The following KCNA6 variants were observed in gnomAD, a reference collection of about 807,000 sequenced individuals.
KCNA6 encodes the protein human brain potassium channel-2.
A neutral mutation model predicts 29.5 loss-of-function variants in KCNA6; 17 were observed. The observed-to-expected ratio is 0.58, with a 90% CI of 0.39 to 0.86. The LOEUF (loss-of-function observed/expected upper bound fraction) is 0.86. KCNA6 is among the 40% of genes least tolerant of loss of function. KCNA6 has a pLI of 0.00. For missense variants in KCNA6, 450 were observed against 703.4 expected (o/e 0.64, Z 4.07); for synonymous variants, 296 against 304.7 (o/e 0.97, Z 0.30).
downstream of KCNA6, among the ~76,000 whole-genome samples, chr12:4,816,054 G>A (rs1267025060): frequency 6.6e-6 from 1 of 152,182 alleles, no homozygotes; most frequent in African/African-American, 2.4e-5. Context: ...AGAAAGCAAC[G>A]AGTCTAATAA....
chr12:4,816,791 AAAG>A (rs1946686822), downstream of KCNA6, among the ~76,000 whole-genome samples: 2 of 152,150 alleles, frequency 1.3e-5, no homozygotes, highest in Non-Finnish European at 2.9e-5. Flanking sequence ...CCGGTAAACA[AAAG>A]AAGTGGACGG....
the KCNA6 span, among the ~76,000 whole-genome samples, chr12:4,824,246 A>G: frequency 1.3e-5 from 2 of 152,240 alleles, no homozygotes; most frequent in South Asian, 4.1e-4. Context: ...TTGACAGAGT[A>G]GTGAGGCATA....
At chr12:4,837,864 C>T in the KCNA6 span, among the ~76,000 whole-genome samples, 1 of 151,824 alleles carries the variant, frequency 6.6e-6, no homozygotes, top group African/African-American at 2.4e-5. Flanking sequence ...GCTACAGTCA[C>T]TTACTGAGCA....
At chr12:4,829,599 G>A in the KCNA6 span, among the ~76,000 whole-genome samples, 1 of 152,062 alleles carries the variant, frequency 6.6e-6, no homozygotes, top group East Asian at 1.9e-4. Flanking sequence ...TAGGATATCA[G>A]CATCACCAGA....
the KCNA6 span, among the ~76,000 whole-genome samples, chr12:4,834,417 TG>T: frequency 2.0e-5 from 3 of 152,186 alleles, no homozygotes; most frequent in Non-Finnish European, 4.4e-5. Flanking sequence ...AAGCCTATAA[TG>T]TGTGAGGCAC....
At chr12:4,846,638 G>T in the KCNA6 span, among the ~76,000 whole-genome samples, 3 of 152,020 alleles carry the variant, frequency 2.0e-5, no homozygotes, top group African/African-American at 7.2e-5. Context: ...CACCAGAAAT[G>T]TCAATCTCCT....
At chr12:4,842,312 A>G in the KCNA6 span, among the ~76,000 whole-genome samples, 1 of 152,104 alleles carries the variant, frequency 6.6e-6, no homozygotes, top group Non-Finnish European at 1.5e-5. Flanking sequence ...GATGACAGAA[A>G]CATGGTAAGT....
chr12:4,841,862 C>G, the KCNA6 span, among the ~76,000 whole-genome samples: 1 of 152,094 alleles, frequency 6.6e-6, no homozygotes. Flanking sequence ...GTTATTTAAA[C>G]CAAAGCAATA....
the KCNA6 span, among the ~76,000 whole-genome samples, chr12:4,828,096 T>G: frequency 6.6e-6 from 1 of 152,090 alleles, no homozygotes; most frequent in Non-Finnish European, 1.5e-5. Context: ...TCCCCCAGAC[T>G]AACTTTGTCT....
the KCNA6 span, chr12:4,838,993 A>T: frequency 6.6e-6 from 1 of 152,234 alleles, no homozygotes; most frequent in Non-Finnish European, 1.5e-5. Flanking sequence ...ATTGGTCCAT[A>T]ATACATATCC....
rs1946631538 is a variant in KCNA6 at position 4,811,559 on chromosome 12, G to C, written c.1518G>C (p.Arg506=). Residue 506 remains arginine, a synonymous_variant, in exon 1 of 1, where the codon CGG becomes CGC. Transcript: ENST00000280684. This position sits in a 1 kb window ranked among gnomAD's most constrained non-coding sequence, Gnocchi z 7.1. ...AGCCTGACTTCCCCGAGGCTAACCG[G>C]GAACGGAGACCCAGCTACCTTCCTA... 2.8e-5 allele frequency: 45 copies of C among 1,614,230 alleles called. No homozygotes were observed. Among genetic ancestry groups the C allele is most frequent in the Non-Finnish European group, 3.7e-5 (44 of 1,180,040 alleles).
At chr12:4,829,799 A>G in the KCNA6 span, among the ~76,000 whole-genome samples, 2 of 152,184 alleles carry the variant, frequency 1.3e-5, no homozygotes, top group Non-Finnish European at 2.9e-5. Context: ...TATACATTTA[A>G]TTGCACTTCA....
chr12:4,848,441 C>T, the KCNA6 span, among the ~76,000 whole-genome samples: 3 of 150,816 alleles, frequency 2.0e-5, no homozygotes, highest in African/African-American at 7.3e-5. Context: ...ATTTATTTGT[C>T]TATGTAATTT....
At chr12:4,828,945 T>C in the KCNA6 span, among the ~76,000 whole-genome samples, 2 of 152,222 alleles carry the variant, frequency 1.3e-5, no homozygotes, top group Non-Finnish European at 2.9e-5. Flanking sequence ...CACCGGCTCC[T>C]GTCATCCTCT....
Position 4,810,162 on chromosome 12 carries a change from G to T in KCNA6, c.121G>T (p.Glu41Ter). 1.2e-6 allele frequency: 2 copies of T among 1,610,110 alleles called. No individual in the cohort carries two copies. The highest frequency in any genetic ancestry group is 8.5e-7 in the Non-Finnish European group (1 of 1,178,652). ...CGGGGGCGGGGGCTGCTGTAGTAGCGAGCGGCTGGTGATCAATATCTCCGG... is the reference window on the plus strand; with the variant it reads ...CGGGGGCGGGGGCTGCTGTAGTAGCTAGCGGCTGGTGATCAATATCTCCGG... The change falls in exon 1 of 1, where the codon GAG becomes TAG. Residue 41 changes from glutamate to a stop codon, truncating the protein, a stop_gained. Coordinates refer to ENST00000280684, the Ensembl canonical transcript of KCNA6. LOFTEE classifies it high-confidence loss of function. This position sits in a 1 kb window ranked among gnomAD's most constrained non-coding sequence, Gnocchi z 7.5.
chr12:4,810,137 C>CG lies in KCNA6; in HGVS notation c.101dup (p.Gly35ArgfsTer5). 6.3e-7 allele frequency: 1 copy of CG among 1,599,598 alleles called. No individual in the cohort carries two copies. Among genetic ancestry groups the CG allele is most frequent in the Non-Finnish European group, 8.5e-7 (1 of 1,173,632 alleles). ...ATGCGGGAGACTTCCCGGAGGCCGGCGGGGGCGGGGGCTGCTGTAGTAGCG... is the reference window on the plus strand; with the variant it reads ...ATGCGGGAGACTTCCCGGAGGCCGGCGGGGGGCGGGGGCTGCTGTAGTAGCG... On this transcript the variant is annotated frameshift_variant, in exon 1 of 1. Transcript: ENST00000280684. LOFTEE classifies it high-confidence loss of function. This position sits in a 1 kb window ranked among gnomAD's most constrained non-coding sequence, Gnocchi z 7.5.
At chr12:4,827,194 T>TTCCTTCCCTCCTTCCTTCCTTCC in the KCNA6 span, among the ~76,000 whole-genome samples, 1 of 54,840 alleles carries the variant, frequency 1.8e-5, no homozygotes, top group Admixed American at 2.2e-4. Flanking sequence ...CCCTCCTTCC[T>TTCCTTCCCTCCTTCCTTCCTTCC]TCCTTCCTTC....
In KCNA6 at chr12:4,811,593, C is replaced by G; in HGVS notation, c.1552C>G (p.Arg518Gly). 1 of 1,614,158 alleles carries G rather than the reference C, an allele frequency of 6.2e-7. No individual in the cohort carries two copies. Among genetic ancestry groups the G allele is most frequent in the Non-Finnish European group, 8.5e-7 (1 of 1,179,994 alleles). ...ACCCAGCTACCTTCCTACACCACAT[C>G]GGGCCTATGCAGAGAAAAGAATGCT... is the stretch of plus-strand genomic sequence containing the variant. The change falls in exon 1 of 1, where the codon CGG becomes GGG. Residue 518 changes from arginine to glycine, a missense_variant. Around this residue, in one of 7 missense-constraint regions of KCNA6, gnomAD observed 56 missense variants for 65.2 expected, o/e 0.86. Transcript: ENST00000280684. The surrounding 1 kb of genome is among the most constrained non-coding windows in gnomAD (Gnocchi z 7.1).
At chr12:4,816,554 A>G (rs1423948789), downstream of KCNA6, among the ~76,000 whole-genome samples, 5 of 152,094 alleles carry the variant, frequency 3.3e-5, no homozygotes, top group Non-Finnish European at 7.4e-5. Context: ...TAAAAACCCC[A>G]CCAAATCCCT....
Sources: allele counts gnomAD v4.1 joint callset (sites outside exome capture counted in the v4.1 genomes callset), GRCh38; gene constraint gnomAD v4.1.1; regional missense constraint gnomAD v4.1.1; non-coding constraint Gnocchi (gnomAD v3.1); transcripts MANE v1.5; gene names NCBI Gene and HGNC (gene_info 2026-07-23, HGNC 2026-07-21).